AFAP1L2: variants seen among roughly 807,000 people sequenced by gnomAD.
AFAP1L2 encodes the protein actin filament associated protein 1 like 2, also known as actin filament-associated protein 1-like 2.
In AFAP1L2, 46 loss-of-function variants were observed where a neutral mutation model predicts 99.3. The observed-to-expected ratio is 0.46, with a 90% CI of 0.37 to 0.59. AFAP1L2 has a LOEUF of 0.59. Among genes scored for constraint, AFAP1L2 ranks in the 20% least tolerant of loss-of-function variants. The probability of loss-of-function intolerance (pLI) is 0.00; values close to 1 mark genes in which losing one functional copy is unlikely to be tolerated. For missense variants in AFAP1L2, 959 were observed against 1,034.9 expected, an observed-to-expected ratio of 0.93 and a Z score of 1.01; for synonymous variants, 397 against 419.1, an observed-to-expected ratio of 0.95 and a Z score of 0.64.
chr10:114,308,665 C>A (rs938008334), intron 8 of AFAP1L2, 148 bp from the exon 9 acceptor site: 15 of 671,456 alleles, frequency 2.2e-5, no homozygotes, highest in African/African-American at 1.3e-4. Context: ...ACGGCAGAAT[C>A]CAGGTCACTG....
chr10:114,340,068 C>T (rs979297143), intron 2 of AFAP1L2, among the ~76,000 whole-genome samples: 1 of 149,774 alleles, frequency 6.7e-6, no homozygotes, highest in African/African-American at 2.5e-5. Flanking sequence ...TGGTGGCTCA[C>T]GCCTGTAATC....
rs765433426 is a variant in AFAP1L2, at chr10:114,297,235, C to G, written c.2292G>C (p.Glu764Asp). 22 of 1,481,648 alleles carry G rather than the reference C, an allele frequency of 1.5e-5. No homozygotes were observed. Among genetic ancestry groups the G allele is most frequent in the Non-Finnish European group, 1.9e-5 (21 of 1,095,948 alleles). The allele number at this position is 1,481,648 out of a possible 1,614,324, so 91.8% of individuals were successfully genotyped here. Reference protein sequence around the residue: ...LGTTVDTTHLENVSPRPKAVT... With the variant: ...LGTTVDTTHLDNVSPRPKAVT... Reference sequence around the variant, plus strand: ...CAGCACTCACGCGGGGGCTCACATTCTCCAGGTGGGTGGTGTCCACGGTGG... The same window carrying G: ...CAGCACTCACGCGGGGGCTCACATTGTCCAGGTGGGTGGTGTCCACGGTGG... Residue 764 changes from glutamate (E) to aspartate (D), a missense_variant, in exon 17 of 19, where the codon GAG becomes GAC. Physicochemically the swap from Glu to Asp is conservative, Grantham distance 45 (BLOSUM62 2). Around this residue, in one of 2 missense-constraint regions of AFAP1L2, gnomAD observed 576 missense variants for 562.1 expected, o/e 1.02. Coordinates refer to ENST00000304129, the MANE Select transcript of AFAP1L2 (RefSeq NM_001001936.3).
intron 2 of AFAP1L2, among the ~76,000 whole-genome samples, chr10:114,335,429 G>GCA (rs2047808227): frequency 1.3e-5 from 2 of 151,660 alleles, no homozygotes; most frequent in African/African-American, 4.8e-5. Flanking sequence ...TGGCTAACAT[G>GCA]GTGAAACCCC....
At position 114,404,474 on chromosome 10, in the gene AFAP1L2, T is replaced by C. The variant is rs1421881608; in HGVS notation, c.-19A>G. The C allele has an allele frequency of 6.5e-7, 1 of 1,536,458 alleles. No individual in the cohort carries two copies. Among genetic ancestry groups the C allele is most frequent in the South Asian group, 1.2e-5 (1 of 83,700 alleles). On this transcript the variant is annotated 5_prime_UTR_variant, in exon 1 of 19. Coordinates refer to ENST00000304129, the MANE Select transcript of AFAP1L2 (RefSeq NM_001001936.3). ...GCTCCATCGGGGCCACGGAGTGCGC[T>C]CCTCGCGGCTCGGCTTCTGCGCTGC... is the stretch of plus-strand genomic sequence containing the variant.
chr10:114,314,932 G>A (rs958147297), intron 6 of AFAP1L2, among the ~76,000 whole-genome samples: 9 of 152,074 alleles, frequency 5.9e-5, no homozygotes, highest in Admixed American at 2.6e-4. Flanking sequence ...CACAAAGTCC[G>A]GAGTTCGAGA....
chr10:114,298,216 A>ACC (rs1357660880), intron 16 of AFAP1L2, among the ~76,000 whole-genome samples: 2 of 152,112 alleles, frequency 1.3e-5, no homozygotes, highest in Non-Finnish European at 2.9e-5. Flanking sequence ...CATCTCTACT[A>ACC]AAAATACAAA....
intron 1 of AFAP1L2, among the ~76,000 whole-genome samples, chr10:114,393,798 A>C (rs2057398008): frequency 6.6e-6 from 1 of 152,266 alleles, no homozygotes. Flanking sequence ...CATACACCAA[A>C]GCAGCCTCAG....
At chr10:114,326,841 C>T (rs2046360587) in intron 4 of AFAP1L2, among the ~76,000 whole-genome samples, 1 of 151,920 alleles carries the variant, frequency 6.6e-6, no homozygotes, top group African/African-American at 2.4e-5. Flanking sequence ...ATATTCAATA[C>T]ATATTAGTTT....
chr10:114,340,826 AC>A lies in AFAP1L2; in HGVS notation c.17-96del, dbSNP rs2048713340. 4 of 1,555,480 alleles carry A rather than the reference AC, an allele frequency of 2.6e-6. No individual in the cohort carries two copies. The East Asian group carries it at 9.0e-5, about 35-fold the overall frequency. On this transcript the variant is annotated intron_variant, in intron 1 of 18. Coordinates refer to ENST00000304129, the MANE Select transcript of AFAP1L2 (RefSeq NM_001001936.3). ...GGGACCCTGCAGCCTCCCACCTCGAACCCTCTGGTCCCAAGAGGAAGGGTTT... is the reference window on the plus strand; with the variant it reads ...GGGACCCTGCAGCCTCCCACCTCGAACCTCTGGTCCCAAGAGGAAGGGTTT...
intron 1 of AFAP1L2, among the ~76,000 whole-genome samples, chr10:114,392,842 A>G (rs1293429302): frequency 6.6e-6 from 1 of 152,196 alleles, no homozygotes; most frequent in Non-Finnish European, 1.5e-5. Context: ...CTCCACTCCA[A>G]TAGAACAAGG....
intron 8 of AFAP1L2, among the ~76,000 whole-genome samples, chr10:114,309,113 TAG>T (rs1182676493): frequency 2.0e-5 from 3 of 152,162 alleles, no homozygotes; most frequent in African/African-American, 7.2e-5. Context: ...AAGCTGCGTT[TAG>T]AGAGTCACCG....
At chr10:114,391,673 C>A (rs866217910) in intron 1 of AFAP1L2, among the ~76,000 whole-genome samples, 2 of 152,170 alleles carry the variant, frequency 1.3e-5, no homozygotes, top group African/African-American at 2.4e-5. Context: ...GAGGGTTGTA[C>A]AAGATGAGGT....
intron 1 of AFAP1L2, among the ~76,000 whole-genome samples, chr10:114,371,860 T>TGG (rs371015084): frequency 1.7e-5 from 1 of 58,536 alleles, no homozygotes; most frequent in Non-Finnish European, 3.5e-5. Context: ...AAGATTTTTT[T>TGG]GGGGGGGTGG....
At chr10:114,285,497 G>C in the AFAP1L2 span, among the ~76,000 whole-genome samples, 1 of 152,224 alleles carries the variant, frequency 6.6e-6, no homozygotes, top group African/African-American at 2.4e-5. Flanking sequence ...TACTGGGTTA[G>C]TTGAAGATCT....
At chr10:114,352,646 G>T (rs1432204156) in intron 1 of AFAP1L2, among the ~76,000 whole-genome samples, 1 of 152,198 alleles carries the variant, frequency 6.6e-6, no homozygotes, top group African/African-American at 2.4e-5. Context: ...ATGAACGAGT[G>T]AAGGTTTTCA....
Position 114,331,980 on chromosome 10 carries a change from ATGCACCCTG to A in AFAP1L2, c.221-92_221-84del, listed in dbSNP as rs2047307768. Reference sequence around the variant, plus strand: ...TCCTTCCTCAGGAATGCCCGGTCACATGCACCCTGTGAGTTCTTTTTGAGCAGGTGTTAA... The same window carrying A: ...TCCTTCCTCAGGAATGCCCGGTCACATGAGTTCTTTTTGAGCAGGTGTTAA... On this transcript the variant is annotated intron_variant, in intron 3 of 18. Transcript: ENST00000304129. 3 of 908,868 alleles carry A rather than the reference ATGCACCCTG, an allele frequency of 3.3e-6. No individual in the cohort carries two copies. In the East Asian group the frequency reaches 1.0e-4, roughly 30 times the overall value. The allele number at this position is 908,868 out of a possible 1,614,324, so 56.3% of individuals were successfully genotyped here. A position where few individuals can be genotyped will look rare whatever the true frequency, so the allele number is the denominator to read the frequency against.
chr10:114,369,195 G>A (rs371109077), intron 1 of AFAP1L2, among the ~76,000 whole-genome samples: 8 of 152,068 alleles, frequency 5.3e-5, no homozygotes, highest in Non-Finnish European at 1.0e-4. Flanking sequence ...AGTAACTCAC[G>A]CTTGTAATCC....
chr10:114,286,583 AC>A, the AFAP1L2 span: 1 of 1,352,018 alleles, frequency 7.4e-7, no homozygotes, highest in Non-Finnish European at 9.9e-7. Flanking sequence ...CCACCACCTA[AC>A]CATCATTTTC....
chr10:114,403,778 A>G (rs2058451332), intron 1 of AFAP1L2, among the ~76,000 whole-genome samples: 1 of 152,172 alleles, frequency 6.6e-6, no homozygotes, highest in Non-Finnish European at 1.5e-5. Context: ...CTGCGCACTG[A>G]GCTAAGCCCT....
Sources: gnomAD v4.1 joint callset for allele counts (sites outside exome capture counted in the v4.1 genomes callset) on GRCh38, gnomAD v4.1.1 for gene constraint, gnomAD v4.1.1 regional missense constraint, MANE v1.5 for transcripts, NCBI Gene and HGNC (gene_info 2026-07-23, HGNC 2026-07-21) for gene names.